PTCHD4: variants seen among roughly 807,000 people sequenced by gnomAD.
The protein encoded by PTCHD4 is patched domain-containing protein 4.
PTCHD4 carries 33 observed loss-of-function variants against 58.1 expected under a neutral mutation model. That is an observed-to-expected ratio of 0.57 (90% CI 0.43 to 0.76). The LOEUF (loss-of-function observed/expected upper bound fraction) is 0.76, where lower values mean the gene tolerates loss of function less well. Among genes scored for constraint, PTCHD4 ranks in the 30% least tolerant of loss-of-function variants. PTCHD4 has a pLI of 0.00. For missense variants in PTCHD4, 1,058 were observed against 1,027.1 expected, an observed-to-expected ratio of 1.03 and a Z score of -0.41; for synonymous variants, 478 against 409.6, an observed-to-expected ratio of 1.17 and a Z score of -2.02.
At chr6:48,108,431 A>G (rs1200090980) in intron 1 of PTCHD4, among the ~76,000 whole-genome samples, 1 of 152,082 alleles carries the variant, frequency 6.6e-6, no homozygotes, top group Non-Finnish European at 1.5e-5. Context: ...GAAGGGGAAC[A>G]TCACACACCA....
At chr6:47,981,550 A>C (rs1312687107) in intron 4 of PTCHD4, among the ~76,000 whole-genome samples, 1 of 152,086 alleles carries the variant, frequency 6.6e-6, no homozygotes, top group Non-Finnish European at 1.5e-5. Context: ...AAATTGAAAA[A>C]TCTGATCTTT....
chr6:47,897,940 C>CTTTTTTT (rs67063892), intron 4 of PTCHD4, among the ~76,000 whole-genome samples: 269 of 76,178 alleles, frequency 3.5e-3, no homozygotes, highest in Non-Finnish European at 4.2e-3. Context: ...TTCTTTCTTT[C>CTTTTTTT]TTTTTTTTTT....
chr6:47,993,814 C>T (rs920777196), intron 4 of PTCHD4, among the ~76,000 whole-genome samples: 1 of 151,910 alleles, frequency 6.6e-6, no homozygotes, highest in Non-Finnish European at 1.5e-5. Flanking sequence ...ATAGAAATCC[C>T]TCAGATGGTA....
intron 1 of PTCHD4, among the ~76,000 whole-genome samples, chr6:48,070,190 A>G (rs1764951760): frequency 6.6e-6 from 1 of 151,836 alleles, no homozygotes; most frequent in Admixed American, 6.6e-5. Flanking sequence ...GGCAAACTCT[A>G]AAGTGTGATT....
At chr6:47,886,401 T>C (rs1199595997) in intron 4 of PTCHD4, among the ~76,000 whole-genome samples, 1 of 152,272 alleles carries the variant, frequency 6.6e-6, no homozygotes, top group African/African-American at 2.4e-5. Context: ...GAAGACATAC[T>C]GGTGGGTTTT....
intron 4 of PTCHD4, among the ~76,000 whole-genome samples, chr6:47,944,988 G>T (rs1247303173): frequency 6.6e-6 from 1 of 152,066 alleles, no homozygotes; most frequent in African/African-American, 2.4e-5. Context: ...GCATCCAGAA[G>T]AAATCATCAG....
At position 48,100,231 on chromosome 6, in the gene PTCHD4, T is replaced by C. The variant is rs147446790; in HGVS notation, c.-970+10818A>G. Among the ~76,000 whole-genome samples, 681 of 152,334 alleles carry C rather than the reference T, an allele frequency of 4.5e-3. 6 individuals carry two copies. The highest frequency in any genetic ancestry group is 0.027 in the Middle Eastern group (8 of 294). Reference sequence around the variant, plus strand: ...ATACTTAAACCAATCAAGATATATGTAGAAAAATAGGTATATCTTCAAATA... The same window carrying C: ...ATACTTAAACCAATCAAGATATATGCAGAAAAATAGGTATATCTTCAAATA... On this transcript the variant is annotated intron_variant, in intron 1 of 4. Transcript: ENST00000339488.
chr6:48,071,474 C>T (rs1461057854), intron 1 of PTCHD4, among the ~76,000 whole-genome samples: 3 of 151,968 alleles, frequency 2.0e-5, no homozygotes, highest in Non-Finnish European at 2.9e-5. Context: ...AGAATGTTTC[C>T]GTTTATTGCT....
rs1763787699 is a variant in PTCHD4, at chr6:47,874,124, T to C, written c.*4179A>G. On this transcript the variant is annotated 3_prime_UTR_variant, in exon 5 of 5. Transcript: ENST00000339488. ...AACACAAGACATAAAATTATGTTTA[T>C]TTACTAACCAATACAGAATATACTA... 6.6e-6 allele frequency among the ~76,000 whole-genome samples: 1 copy of C among 151,730 alleles called. No homozygotes were observed. Among genetic ancestry groups the C allele is most frequent in the Non-Finnish European group, 1.5e-5 (1 of 67,774 alleles).
intron 1 of PTCHD4, among the ~76,000 whole-genome samples, chr6:48,104,772 G>A (rs937400202): frequency 1.2e-4 from 18 of 151,664 alleles, no homozygotes; most frequent in Non-Finnish European, 2.2e-4. Context: ...CCAAGCAAAC[G>A]GAAAAGAAAA....
chr6:48,004,092 G>T (rs752694612), intron 4 of PTCHD4, among the ~76,000 whole-genome samples: 4 of 152,096 alleles, frequency 2.6e-5, no homozygotes, highest in African/African-American at 7.2e-5. Flanking sequence ...AAAACGTAAG[G>T]TTCATGAGGG....
At chr6:47,947,345 A>T (rs1236492116) in intron 4 of PTCHD4, among the ~76,000 whole-genome samples, 1 of 151,998 alleles carries the variant, frequency 6.6e-6, no homozygotes, top group African/African-American at 2.4e-5. Flanking sequence ...TTTTTATATA[A>T]TCAGTGATTA....
intron 4 of PTCHD4, among the ~76,000 whole-genome samples, chr6:47,986,409 A>G (rs1768064039): frequency 1.3e-5 from 2 of 152,148 alleles, no homozygotes; most frequent in Non-Finnish European, 2.9e-5. Flanking sequence ...CTCCTTAACC[A>G]CAAGATCTTG....
In PTCHD4 at chr6:47,879,286, C is replaced by T; in HGVS notation, c.1549G>A (p.Gly517Arg). 6.2e-7 allele frequency: 1 copy of T among 1,612,720 alleles called. No homozygotes were observed. The highest frequency in any genetic ancestry group is 8.5e-7 in the Non-Finnish European group (1 of 1,179,352). Residue 517 changes from glycine to arginine, a missense_variant, in exon 5 of 5, where the codon GGA becomes AGA. Coordinates refer to ENST00000339488, the MANE Select transcript of PTCHD4 (RefSeq NM_001384253.1). Reference sequence around the variant, plus strand: ...TCTAGGGGCTCATAGACGTAGAATCCTATCACAGGGCTATAGTTGCTGAAA... The same window carrying T: ...TCTAGGGGCTCATAGACGTAGAATCTTATCACAGGGCTATAGTTGCTGAAA... Reference protein sequence around the residue: ...KYFSNYSPVIGFYVYEPLEYW... With the variant: ...KYFSNYSPVIRFYVYEPLEYW...
At chr6:47,937,157 A>C (rs1314969854) in intron 4 of PTCHD4, among the ~76,000 whole-genome samples, 1 of 152,228 alleles carries the variant, frequency 6.6e-6, no homozygotes, top group East Asian at 1.9e-4. Flanking sequence ...ATCAGAATCA[A>C]CTATGAAGTT....
chr6:48,044,087 G>A (rs1369699674), intron 3 of PTCHD4, among the ~76,000 whole-genome samples: 4 of 151,760 alleles, frequency 2.6e-5, no homozygotes, highest in Admixed American at 6.6e-5. Context: ...TGAGACTGGT[G>A]GGGGTTGTTG....
Position 47,998,057 on chromosome 6 carries a change from C to A in PTCHD4, c.898+10577G>T, listed in dbSNP as rs192915356. Among the ~76,000 whole-genome samples, 24 of 152,176 alleles carry A rather than the reference C, an allele frequency of 1.6e-4. No homozygotes were observed. In the East Asian group the frequency reaches 4.6e-3, roughly 29 times the overall value. On this transcript the variant is annotated intron_variant, in intron 4 of 4. Transcript: ENST00000339488. ...AGTTTCAATTGCAGCATTTACCTTG[C>A]TTGATTCAGTACTGCAGAAAAAAAT...
At chr6:48,054,605 C>T (rs1354295350) in intron 3 of PTCHD4, among the ~76,000 whole-genome samples, 3 of 152,016 alleles carry the variant, frequency 2.0e-5, no homozygotes, top group Non-Finnish European at 4.4e-5. Flanking sequence ...AACACTGCCC[C>T]AGAAGTATTC....
In PTCHD4 at chr6:47,879,755, A is replaced by G. The variant is rs1342446836; in HGVS notation, c.1080T>C (p.Ala360=). The G allele has an allele frequency of 6.2e-7, 1 of 1,613,732 alleles. No homozygotes were observed. The highest frequency in any genetic ancestry group is 8.5e-7 in the Non-Finnish European group (1 of 1,179,788). Residue 360 remains alanine, a synonymous_variant, in exon 5 of 5, where the codon GCT becomes GCC. Transcript: ENST00000339488. ...ACATGTTTTGACAGAAGACCTTCAC[A>G]GCCTCTATGTTTGTGAATGGGCTGG... is the stretch of plus-strand genomic sequence containing the variant. The part of the protein sequence containing the change: ...MGASPFTNIE[A]VKVFCQNMCV...
Sources: allele counts gnomAD v4.1 joint callset (sites outside exome capture counted in the v4.1 genomes callset), GRCh38; gene constraint gnomAD v4.1.1; transcripts MANE v1.5; gene names NCBI Gene and HGNC (gene_info 2026-07-23, HGNC 2026-07-21).